Variants in LPP observed in about 807,000 individuals in gnomAD.
The protein encoded by LPP is LIM domain containing preferred translocation partner in lipoma, also known as lipoma-preferred partner.
A neutral mutation model predicts 60.4 loss-of-function variants in LPP; 38 were observed. The observed-to-expected ratio is 0.63, with a 90% CI of 0.49 to 0.83. The LOEUF (loss-of-function observed/expected upper bound fraction) is 0.83, where lower values mean the gene tolerates loss of function less well. Ranked by LOEUF, LPP falls within the 40% of genes least tolerant of loss-of-function variation. The probability of loss-of-function intolerance (pLI) is 0.00; values close to 1 mark genes in which losing one functional copy is unlikely to be tolerated. For missense variants in LPP, 902 were observed against 783.6 expected, an observed-to-expected ratio of 1.15 and a Z score of -1.80; for synonymous variants, 328 against 290.8, an observed-to-expected ratio of 1.13 and a Z score of -1.30.
chr3:188,253,263 A>G (rs181082205), intron 2 of LPP, among the ~76,000 whole-genome samples: 2 of 152,268 alleles, frequency 1.3e-5, no homozygotes, highest in East Asian at 3.9e-4. Flanking sequence ...ATACTTATAG[A>G]GACAAATTTA....
rs1825772462 is a variant in LPP at position 188,543,564 on chromosome 3, T to C, written c.429+18777T>C. Among the ~76,000 whole-genome samples, 3 of 152,334 alleles carry C rather than the reference T, an allele frequency of 2.0e-5. No homozygotes were observed. In the South Asian group the frequency reaches 6.2e-4, roughly 32 times the overall value. Reference sequence around the variant, plus strand: ...GTTCGATTTCTTCCAGGCAGTTGCATAAAGTGCTTTAGTTTATATCTGGTT... The same window carrying C: ...GTTCGATTTCTTCCAGGCAGTTGCACAAAGTGCTTTAGTTTATATCTGGTT... On this transcript the variant is annotated intron_variant, in intron 6 of 11. Transcript: ENST00000617246.
At chr3:188,717,427 T>A (rs1171799659) in intron 8 of LPP, among the ~76,000 whole-genome samples, 1 of 152,208 alleles carries the variant, frequency 6.6e-6, no homozygotes, top group Non-Finnish European at 1.5e-5. Flanking sequence ...AATTACAAAC[T>A]GGGAAATGAC....
intron 6 of LPP, among the ~76,000 whole-genome samples, chr3:188,561,134 C>T (rs1383056133): frequency 6.6e-6 from 1 of 152,088 alleles, no homozygotes; most frequent in East Asian, 1.9e-4. Flanking sequence ...AACTTTCAAA[C>T]ATTTTCTTAA....
chr3:188,655,950 G>T (rs1853101413), intron 7 of LPP, among the ~76,000 whole-genome samples: 1 of 151,960 alleles, frequency 6.6e-6, no homozygotes, highest in African/African-American at 2.4e-5. Flanking sequence ...AGCACTTTGG[G>T]AGGCCAAGGT....
intron 9 of LPP, among the ~76,000 whole-genome samples, chr3:188,776,015 T>C (rs1737633967): frequency 1.3e-5 from 2 of 152,234 alleles, no homozygotes; most frequent in South Asian, 4.1e-4. Context: ...AGACATTGAG[T>C]GAGCACCTTC....
At chr3:188,369,806 G>A (rs981767316) in intron 3 of LPP, among the ~76,000 whole-genome samples, 3 of 152,098 alleles carry the variant, frequency 2.0e-5, no homozygotes, top group African/African-American at 7.2e-5. Context: ...CCTTCCCTAG[G>A]CCTGAATTTT....
chr3:188,645,687 T>C (rs1344986205), intron 7 of LPP, among the ~76,000 whole-genome samples: 1 of 152,136 alleles, frequency 6.6e-6, no homozygotes, highest in African/African-American at 2.4e-5. Flanking sequence ...TGAGCCCTTC[T>C]TTTCTTGTTC....
intron 2 of LPP, among the ~76,000 whole-genome samples, chr3:188,282,282 T>C (rs1742377351): frequency 6.6e-6 from 1 of 152,186 alleles, no homozygotes; most frequent in South Asian, 2.1e-4. Flanking sequence ...CAGCTCTGAA[T>C]TGTCAGGTTC....
At chr3:188,847,558 T>C (rs892626009) in intron 9 of LPP, among the ~76,000 whole-genome samples, 1 of 152,230 alleles carries the variant, frequency 6.6e-6, no homozygotes, top group African/African-American at 2.4e-5. Flanking sequence ...TGAAAAGTAC[T>C]TATAGGTCAG....
At chr3:188,659,003 A>T (rs889765903) in intron 7 of LPP, among the ~76,000 whole-genome samples, 2 of 152,214 alleles carry the variant, frequency 1.3e-5, no homozygotes, top group African/African-American at 2.4e-5. Context: ...CTTTCAGGAA[A>T]CACAAGGTGC....
intron 3 of LPP, 123 bp from the exon 4 acceptor site, chr3:188,405,989 C>A: frequency 2.7e-6 from 2 of 744,646 alleles, no homozygotes; most frequent in South Asian, 2.6e-5. Context: ...TTCTTTCACC[C>A]TTCTTTCCAG....
chr3:188,307,580 T>C (rs773921700), intron 2 of LPP, among the ~76,000 whole-genome samples: 1 of 152,202 alleles, frequency 6.6e-6, no homozygotes, highest in Non-Finnish European at 1.5e-5. Context: ...TTTACCACAC[T>C]GGGATGTAAG....
At chr3:188,187,061 C>T (rs991546427) in intron 1 of LPP, among the ~76,000 whole-genome samples, 1 of 152,128 alleles carries the variant, frequency 6.6e-6, no homozygotes, top group South Asian at 2.1e-4. Context: ...CACTTTTCCT[C>T]TCCACATTTA....
chr3:188,549,728 T>A (rs1827580873), intron 6 of LPP, among the ~76,000 whole-genome samples: 1 of 152,134 alleles, frequency 6.6e-6, no homozygotes, highest in Admixed American at 6.6e-5. Flanking sequence ...ACCACTCATT[T>A]CCCTCTTCAC....
intron 7 of LPP, among the ~76,000 whole-genome samples, chr3:188,617,464 C>T (rs1256942568): frequency 6.6e-6 from 1 of 152,086 alleles, no homozygotes; most frequent in Non-Finnish European, 1.5e-5. Context: ...ATCTTTAGAA[C>T]CCCATCATCA....
chr3:188,820,293 GTA>G (rs1276979891), intron 9 of LPP, among the ~76,000 whole-genome samples: 5 of 152,060 alleles, frequency 3.3e-5, no homozygotes, highest in Non-Finnish European at 2.9e-5. Flanking sequence ...GTTTGTGTGT[GTA>G]TGTGTGTGTG....
At chr3:188,506,090 A>G (rs1490823099) in intron 5 of LPP, among the ~76,000 whole-genome samples, 5 of 152,058 alleles carry the variant, frequency 3.3e-5, no homozygotes, top group Non-Finnish European at 7.4e-5. Context: ...TTAGAAGCCT[A>G]ACTCTACTAT....
chr3:188,442,549 G>A (rs1036702167), intron 4 of LPP, among the ~76,000 whole-genome samples: 2 of 152,138 alleles, frequency 1.3e-5, no homozygotes, highest in Non-Finnish European at 2.9e-5. Flanking sequence ...CACTTACATT[G>A]CTCACGTAGT....
chr3:188,416,102 T>A (rs1156299633), intron 4 of LPP, among the ~76,000 whole-genome samples: 2 of 30,746 alleles, frequency 6.5e-5, no homozygotes, highest in East Asian at 3.2e-4. Flanking sequence ...GAGTCCATAT[T>A]TAAAAAAAAA....
Sources: gnomAD v4.1 joint callset for allele counts (sites outside exome capture counted in the v4.1 genomes callset) on GRCh38, gnomAD v4.1.1 for gene constraint, MANE v1.5 for transcripts, NCBI Gene and HGNC (gene_info 2026-07-23, HGNC 2026-07-21) for gene names.